Variants in DNAH2 observed in about 807,000 individuals in gnomAD.
DNAH2 encodes the protein dynein axonemal heavy chain 2.
Under a neutral mutation model 523.5 loss-of-function variants are expected in DNAH2, and 323 were observed. That is an observed-to-expected ratio of 0.62 (90% CI 0.56 to 0.68). The LOEUF is 0.68. Among genes scored for constraint, DNAH2 ranks in the 30% least tolerant of loss-of-function variants. DNAH2 has a pLI of 0.00. For synonymous variants in DNAH2, 2,093 were observed against 2,177.4 expected, an observed-to-expected ratio of 0.96 and a Z score of 1.08; for missense variants, 4,907 against 5,701.5, an observed-to-expected ratio of 0.86 and a Z score of 4.49.
intron 39 of DNAH2, among the ~76,000 whole-genome samples, chr17:7,785,084 A>T (rs2076698733): frequency 7.5e-6 from 1 of 133,344 alleles, no homozygotes; most frequent in African/African-American, 2.7e-5. Context: ...ATCAAAGAAG[A>T]AATTAGAGAA....
intron 10 of DNAH2, 85 bp from the exon 11 acceptor site, chr17:7,740,722 AGCG>A: frequency 6.5e-7 from 1 of 1,542,102 alleles, no homozygotes; most frequent in South Asian, 1.2e-5. Context: ...TGACTCCCGC[AGCG>A]GGGTGCAGCT....
At position 7,807,393 on chromosome 17, in the gene DNAH2, G is replaced by A; in HGVS notation, c.9612+74G>A. The stretch of plus-strand genomic sequence containing the variant: ...GGAGTGCGGATGCACAGACCCAGGT[G>A]GAAGGAGGGGATGCCTGGAGGTGAG... On this transcript the variant is annotated intron_variant, in intron 62 of 85. Transcript: ENST00000572933. The surrounding 1 kb of genome is among the most constrained non-coding windows in gnomAD (Gnocchi z 5.6). 6.2e-7 allele frequency: 1 copy of A among 1,604,862 alleles called. No individual in the cohort carries two copies. Among genetic ancestry groups the A allele is most frequent in the Non-Finnish European group, 8.5e-7 (1 of 1,176,418 alleles).
chr17:7,741,226 T>C (rs1432852900), intron 11 of DNAH2, among the ~76,000 whole-genome samples: 6 of 142,146 alleles, frequency 4.2e-5, no homozygotes, highest in African/African-American at 1.5e-4. Flanking sequence ...CCTTTCTTTT[T>C]TTTCTCTCTC....
intron 59 of DNAH2, 45 bp downstream of exon 59, chr17:7,804,511 C>G (rs1567728204): frequency 6.3e-7 from 1 of 1,597,258 alleles, no homozygotes; most frequent in Admixed American, 1.7e-5. Context: ...CCCACCAGTG[C>G]CGGCTACTGC....
intron 20 of DNAH2, 52 bp downstream of exon 20, chr17:7,764,325 G>T: frequency 6.4e-7 from 1 of 1,555,318 alleles, no homozygotes; most frequent in South Asian, 1.2e-5. Context: ...GCAGCAGATT[G>T]CGGGGGAGGC....
chr17:7,786,187 A>G lies in DNAH2; in HGVS notation c.6193A>G (p.Thr2065Ala), dbSNP rs1449961964. ...MGLQSTPFTL[T>A]KVFQLYETKN... ...CCTGCAAAGCACGCCGTTCACCCTC[A>G]CCAAGGTTTTCCAGTTGTATGAAAC... Residue 2065 changes from threonine (T) to alanine (A), a missense_variant, in exon 40 of 86, where the codon ACC (threonine) becomes GCC (alanine). Transcript: ENST00000572933. This position sits in a 1 kb window ranked among gnomAD's most constrained non-coding sequence, Gnocchi z 7.5. 1.2e-6 allele frequency: 2 copies of G among 1,613,230 alleles called. No homozygotes were observed. The highest frequency in any genetic ancestry group is 3.3e-5 in the Admixed American group (2 of 59,926).
intron 12 of DNAH2, chr17:7,743,688 CACT>C (rs2075429505): frequency 3.6e-6 from 1 of 279,874 alleles, no homozygotes; most frequent in Non-Finnish European, 6.7e-6. Context: ...AAAACCACTC[CACT>C]ATCTGACTAA....
In DNAH2 at chr17:7,757,208, TCTG is replaced by T; in HGVS notation, c.2025_2027del (p.Leu677del). 6.2e-7 allele frequency: 1 copy of T among 1,614,156 alleles called. No individual in the cohort carries two copies. ...AGGACCTGCGCATTCTGCGTGAAAA[TCTG>T]CTACTCGTTGCTAGAGACTACAATA... is the stretch of plus-strand genomic sequence containing the variant. On this transcript the variant is annotated inframe_deletion, in exon 13 of 86. Transcript: ENST00000572933.
In DNAH2 at chr17:7,791,956, G is replaced by A. The variant is rs760242025; in HGVS notation, c.6940G>A (p.Glu2314Lys). The A allele has an allele frequency of 1.2e-6, 2 of 1,614,070 alleles. No homozygotes were observed. The highest frequency in any genetic ancestry group is 2.2e-5 in the South Asian group (2 of 91,058). Reference protein sequence around the residue: ...ADGENYVTMVEMTFVFSMIWS... With the variant: ...ADGENYVTMVKMTFVFSMIWS... ...CGGCGAGAACTATGTCACCATGGTA[G>A]AGATGACATTTGTGTTCAGCATGAT... The change falls in exon 45 of 86, where the codon GAG becomes AAG. Residue 2314 changes from glutamate (E) to lysine (K), a missense_variant. Physicochemically the swap from Glu to Lys is moderately conservative, Grantham distance 56 (BLOSUM62 1). Around this residue, in one of 3 missense-constraint regions of DNAH2, gnomAD observed 2,806 missense variants for 3,190.8 expected, o/e 0.88. Transcript: ENST00000572933.
chr17:7,797,654 T>G, intron 52 of DNAH2, 26 bp from the exon 53 acceptor site: 1 of 1,613,968 alleles, frequency 6.2e-7, no homozygotes, highest in Non-Finnish European at 8.5e-7. Context: ...CATTTGTGAC[T>G]CTGATCCCCT....
rs760977432 is a variant in DNAH2, at chr17:7,818,599, T to TCGAAGGA, written c.10537-43_10537-37dup. 3 of 1,610,142 alleles carry TCGAAGGA rather than the reference T, an allele frequency of 1.9e-6. No individual in the cohort carries two copies. In the Admixed American group the frequency reaches 5.0e-5, roughly 27 times the overall value. On this transcript the variant is annotated intron_variant, in intron 69 of 85. Transcript: ENST00000572933. ...TGGAAAGAGATGAGGAAGGTGAAGG[T>TCGAAGGA]CGAAGGAGTGACAGCCCCTCACTGT...
Position 7,819,061 on chromosome 17 carries a change from G to A in DNAH2, c.10813G>A (p.Glu3605Lys). ...AGAGATCAACACTGACTTGGCGCGG[G>A]AGGTAAGCTCCCGGCCCTCCAGTCC... ...TTEINTDLAR[E>K]AYRPCAQRAS... Residue 3605 changes from glutamate to lysine, a missense_variant and splice_region_variant, in exon 71 of 86, where the codon GAG becomes AAG. This residue lies in a region of DNAH2 where 1,851 missense variants were observed against 2,139.4 expected (regional missense o/e 0.87). Coordinates refer to ENST00000572933, the MANE Select transcript of DNAH2 (RefSeq NM_020877.5). The A allele has an allele frequency of 1.2e-6, 2 of 1,604,462 alleles. No individual in the cohort carries two copies. Among genetic ancestry groups the A allele is most frequent in the Middle Eastern group, 3.6e-4 (2 of 5,538 alleles).
At chr17:7,823,249 G>C (rs897999287) in intron 73 of DNAH2, among the ~76,000 whole-genome samples, 193 bp from the exon 74 acceptor site, 2 of 147,158 alleles carry the variant, frequency 1.4e-5, no homozygotes, top group Non-Finnish European at 3.0e-5. Context: ...AGCCGAGATT[G>C]TGCCATTGCA....
In DNAH2 at chr17:7,727,232, C is replaced by T; in HGVS notation, c.339C>T (p.Ile113=). 1.2e-6 allele frequency: 2 copies of T among 1,612,144 alleles called. No individual in the cohort carries two copies. The highest frequency in any genetic ancestry group is 1.7e-4 in the Middle Eastern group (1 of 6,054). Residue 113 remains isoleucine (I), a synonymous_variant, in exon 4 of 86, where the codon ATC becomes ATT. Coordinates refer to ENST00000572933, the MANE Select transcript of DNAH2 (RefSeq NM_020877.5). The part of the protein sequence containing the change: ...EHFAQDPTES[I]LTIFIDPCFG... ...TTGCCCAGGACCCTACAGAATCCAT[C>T]CTCACCATCTTCATTGACCCTTGTT...
chr17:7,741,750 C>T (rs570014172), intron 11 of DNAH2, among the ~76,000 whole-genome samples: 4 of 150,610 alleles, frequency 2.7e-5, no homozygotes, highest in South Asian at 2.1e-4. Context: ...CCGCAACCTT[C>T]GCCTCCCAGG....
At position 7,733,294 on chromosome 17, in the gene DNAH2, A is replaced by C. The variant is rs2075043989; in HGVS notation, c.607A>C (p.Lys203Gln). ...IRNHFASHLH[K>Q]FLACLTDTRY... is the part of the protein sequence containing the mutation. ...AAATCATTTTGCTTCTCATCTGCAC[A>C]AGTTCTTGGCCTGCCTGACAGGTAA... Residue 203 changes from lysine to glutamine, a missense_variant, in exon 5 of 86, where the codon AAG becomes CAG. Physicochemically the swap from Lys to Gln is moderately conservative, Grantham distance 53. Coordinates refer to ENST00000572933, the MANE Select transcript of DNAH2 (RefSeq NM_020877.5). The C allele has an allele frequency of 6.2e-7, 1 of 1,613,918 alleles. No individual in the cohort carries two copies. The highest frequency in any genetic ancestry group is 1.3e-5 in the African/African-American group (1 of 74,908).
At chr17:7,732,029 CAAAA>C (rs35844931) in intron 4 of DNAH2, among the ~76,000 whole-genome samples, 10 of 118,212 alleles carry the variant, frequency 8.5e-5, no homozygotes, top group East Asian at 4.6e-4. Context: ...AACTTCGTCT[CAAAA>C]AAAAAAAAAA....
chr17:7,766,609 T>C lies in DNAH2; in HGVS notation c.3675+128T>C, dbSNP rs1204427869. On this transcript the variant is annotated intron_variant, in intron 22 of 85. Transcript: ENST00000572933. ...CACAAGGAGCTTTTGTTTGTTTCAG[T>C]TGAGGTAAAATTCATACAACAAAAT... 1.3e-5 allele frequency: 13 copies of C among 967,608 alleles called. No homozygotes were observed. The South Asian group carries it at 1.8e-4, about 13-fold the overall frequency. The allele number at this position is 967,608 out of a possible 1,614,324, so 59.9% of individuals were successfully genotyped here.
intron 15 of DNAH2, 22 bp downstream of exon 15, chr17:7,759,146 T>G: frequency 6.2e-7 from 1 of 1,611,430 alleles, no homozygotes; most frequent in South Asian, 1.1e-5. Flanking sequence ...GTGGCCAGGA[T>G]GTTGTGGTTG....
Sources: allele counts gnomAD v4.1 joint callset (sites outside exome capture counted in the v4.1 genomes callset), GRCh38; gene constraint gnomAD v4.1.1; regional missense constraint gnomAD v4.1.1; non-coding constraint Gnocchi (gnomAD v3.1); transcripts MANE v1.5; gene names NCBI Gene and HGNC (gene_info 2026-07-23, HGNC 2026-07-21).